The following SLC36A1 variants were observed in gnomAD, a reference collection of about 807,000 sequenced individuals.
The protein encoded by SLC36A1 is solute carrier family 36 member 1, also known as proton-coupled amino acid transporter 1.
In SLC36A1, 30 loss-of-function variants were observed where a neutral mutation model predicts 47.5. The observed-to-expected ratio is 0.63, with a 90% CI of 0.47 to 0.86. The LOEUF (loss-of-function observed/expected upper bound fraction) is 0.86. SLC36A1 is among the 40% of genes least tolerant of loss of function. The probability of loss-of-function intolerance (pLI) is 0.00; values close to 1 mark genes in which losing one functional copy is unlikely to be tolerated. For synonymous variants in SLC36A1, 255 were observed against 249.7 expected, an observed-to-expected ratio of 1.02 and a Z score of -0.20; for missense variants, 517 against 606.0, an observed-to-expected ratio of 0.85 and a Z score of 1.54.
chr5:151,347,525 A>C, the SLC36A1 span: 2 of 1,596,048 alleles, frequency 1.3e-6, no homozygotes, highest in Non-Finnish European at 1.7e-6. Flanking sequence ...GGGAAGCAGG[A>C]AGGTGTCTAG....
upstream of SLC36A1, among the ~76,000 whole-genome samples, chr5:151,443,317 C>G (rs1351291439): frequency 3.3e-5 from 5 of 152,268 alleles, no homozygotes; most frequent in African/African-American, 9.6e-5. Flanking sequence ...TCTCGACATC[C>G]TCACCAATAT....
the SLC36A1 span, among the ~76,000 whole-genome samples, chr5:151,421,211 T>C: frequency 8.1e-6 from 1 of 124,010 alleles, no homozygotes; most frequent in Non-Finnish European, 1.8e-5. Context: ...CTTCCTTCCT[T>C]CCTTCCTCCC....
At chr5:151,539,435 G>A in the SLC36A1 span, among the ~76,000 whole-genome samples, 65 of 152,210 alleles carry the variant, frequency 4.3e-4, no homozygotes, top group Non-Finnish European at 7.6e-4. Context: ...ATAGTTGCAT[G>A]TGTGGGTGAG....
chr5:151,371,135 A>G, the SLC36A1 span, among the ~76,000 whole-genome samples: 4 of 152,194 alleles, frequency 2.6e-5, no homozygotes, highest in Non-Finnish European at 4.4e-5. Context: ...GTCTCCAGAC[A>G]TTGAAAAATG....
chr5:151,528,653 A>G, the SLC36A1 span, among the ~76,000 whole-genome samples: 1 of 152,176 alleles, frequency 6.6e-6, no homozygotes, highest in East Asian at 1.9e-4. Context: ...GTTGGAGCAT[A>G]GGGTGCACCA....
At chr5:151,461,320 T>C (rs181947589) in intron 2 of SLC36A1, among the ~76,000 whole-genome samples, 6 of 152,192 alleles carry the variant, frequency 3.9e-5, no homozygotes, top group Admixed American at 3.9e-4. Flanking sequence ...TTCAGTGAGG[T>C]TATTTACTAA....
At chr5:151,443,120 GGGT>G (rs1752718706), upstream of SLC36A1, among the ~76,000 whole-genome samples, 1 of 152,232 alleles carries the variant, frequency 6.6e-6, no homozygotes, top group East Asian at 1.9e-4. Context: ...TATCTTTATG[GGGT>G]GGTGATTTCA....
At chr5:151,505,638 C>T in the SLC36A1 span, 60 of 1,614,028 alleles carry the variant, frequency 3.7e-5, no homozygotes, top group Non-Finnish European at 4.5e-5. Context: ...GGGGGGCACC[C>T]GGGGCTGGCC....
At chr5:151,531,834 A>ACGGAC in the SLC36A1 span, 1 of 1,613,724 alleles carries the variant, frequency 6.2e-7, no homozygotes, top group Non-Finnish European at 8.5e-7. This position sits in a 1 kb window ranked among gnomAD's most constrained non-coding sequence, Gnocchi z 5.7. Flanking sequence ...GGTCAGAGGC[A>ACGGAC]CGGACCGTGA....
chr5:151,350,236 A>C, the SLC36A1 span, among the ~76,000 whole-genome samples: 1 of 152,036 alleles, frequency 6.6e-6, no homozygotes, highest in African/African-American at 2.4e-5. Context: ...ACTCACATGT[A>C]TTGAGTCTAT....
the SLC36A1 span, among the ~76,000 whole-genome samples, chr5:151,369,983 T>A: frequency 3.9e-5 from 6 of 151,902 alleles, no homozygotes; most frequent in Non-Finnish European, 7.4e-5. Flanking sequence ...TCAGTAGAGA[T>A]GGGGTTGGGG....
the SLC36A1 span, chr5:151,525,755 G>A: frequency 6.2e-7 from 1 of 1,613,960 alleles, no homozygotes. Flanking sequence ...CAGAAGCCTA[G>A]CACAGCTCTC....
chr5:151,454,125 A>G (rs1430396901), intron 1 of SLC36A1, among the ~76,000 whole-genome samples: 2 of 126,362 alleles, frequency 1.6e-5, no homozygotes, highest in Admixed American at 8.4e-5. Context: ...AAACTTGCAG[A>G]CTTTTTTTAC....
chr5:151,525,128 T>C, the SLC36A1 span, among the ~76,000 whole-genome samples: 1 of 152,162 alleles, frequency 6.6e-6, no homozygotes, highest in South Asian at 2.1e-4. Flanking sequence ...ACTGACTGAC[T>C]GAAAGAATGA....
At chr5:151,458,309 TA>T (rs1754926536) in intron 1 of SLC36A1, among the ~76,000 whole-genome samples, 1 of 80,772 alleles carries the variant, frequency 1.2e-5, no homozygotes, top group African/African-American at 8.2e-5. Flanking sequence ...CACGTGTATA[TA>T]CGTATATATA....
At chr5:151,505,921 T>G in the SLC36A1 span, 2 of 1,587,056 alleles carry the variant, frequency 1.3e-6, no homozygotes, top group African/African-American at 2.7e-5. Flanking sequence ...TTGTTTTCCA[T>G]CTCCAGGGGG....
rs754913590 is a variant in SLC36A1, at chr5:151,458,975, G to T, written c.143+40G>T. ...CCTTCTCCTCTCCTGGGTGGGATTC[G>T]TGTTCCTAAGCCTCCCTTGGACTTA... On this transcript the variant is annotated intron_variant, in intron 2 of 10. Coordinates refer to ENST00000243389, the MANE Select transcript of SLC36A1 (RefSeq NM_078483.4). The T allele has an allele frequency of 2.7e-5, 43 of 1,572,804 alleles. No individual in the cohort carries two copies. The East Asian group carries it at 9.5e-4, about 35-fold the overall frequency.
chr5:151,542,703 C>T, the SLC36A1 span: 1 of 1,614,220 alleles, frequency 6.2e-7, no homozygotes, highest in South Asian at 1.1e-5. Context: ...CTGGCATATT[C>T]TCAGTGAGGA....
chr5:151,531,946 G>C, the SLC36A1 span: 4 of 1,614,088 alleles, frequency 2.5e-6, no homozygotes, highest in Admixed American at 1.7e-5. This position sits in a 1 kb window ranked among gnomAD's most constrained non-coding sequence, Gnocchi z 5.7. Context: ...ATCCGGCAGA[G>C]AGTAAACCAC....
Sources: allele counts gnomAD v4.1 joint callset (sites outside exome capture counted in the v4.1 genomes callset), GRCh38; gene constraint gnomAD v4.1.1; non-coding constraint Gnocchi (gnomAD v3.1); transcripts MANE v1.5; gene names NCBI Gene and HGNC (gene_info 2026-07-23, HGNC 2026-07-21).